BMPER: variants seen among roughly 807,000 people sequenced by gnomAD.
BMPER encodes BMP binding endothelial regulator, also known as BMP-binding endothelial regulator protein.
Under a neutral mutation model 87.3 loss-of-function variants are expected in BMPER, and 45 were observed. The ratio of observed to expected loss-of-function variants is 0.52; its 90% CI spans 0.41 to 0.66. The LOEUF is 0.66. BMPER is among the 30% of genes least tolerant of loss of function. The pLI is 0.00. For synonymous variants in BMPER, 326 were observed against 316.2 expected (o/e 1.03, Z -0.33); for missense variants, 784 against 867.5 (o/e 0.90, Z 1.21).
intron 11 of BMPER, among the ~76,000 whole-genome samples, chr7:34,075,904 G>GAGGTGCC (rs1203239475): frequency 1.3e-5 from 2 of 152,220 alleles, no homozygotes; most frequent in Non-Finnish European, 2.9e-5. Context: ...TAGGGACCTT[G>GAGGTGCC]AGGTGCCAGG....
chr7:34,121,962 T>TC (rs1198430496), intron 13 of BMPER, among the ~76,000 whole-genome samples: 6 of 150,364 alleles, frequency 4.0e-5, no homozygotes, highest in Non-Finnish European at 8.9e-5. Context: ...CTCTACAATT[T>TC]TTTTTTTTTA....
chr7:34,057,676 T>C (rs950051899), intron 9 of BMPER, among the ~76,000 whole-genome samples: 1 of 152,210 alleles, frequency 6.6e-6, no homozygotes, highest in African/African-American at 2.4e-5. Flanking sequence ...TTTAGTCTTA[T>C]CAAACGGGAA....
At chr7:34,030,756 C>T (rs1787499800) in intron 6 of BMPER, among the ~76,000 whole-genome samples, 1 of 151,896 alleles carries the variant, frequency 6.6e-6, no homozygotes, top group Admixed American at 6.6e-5. Context: ...CAGGCACTGC[C>T]ACCATGCTTG....
At chr7:34,106,933 T>A (rs755030308) in intron 13 of BMPER, among the ~76,000 whole-genome samples, 1 of 152,244 alleles carries the variant, frequency 6.6e-6, no homozygotes, top group Non-Finnish European at 1.5e-5. Flanking sequence ...AATTTCATGA[T>A]GTTTGTGCGG....
intron 14 of BMPER, among the ~76,000 whole-genome samples, chr7:34,146,921 G>A (rs1002599282): frequency 6.6e-6 from 1 of 152,160 alleles, no homozygotes; most frequent in Non-Finnish European, 1.5e-5. Context: ...ATCACTGGTG[G>A]TTGTTACTCG....
At position 34,086,065 on chromosome 7, in the gene BMPER, C is replaced by T. The variant is rs199601718; in HGVS notation, c.1718C>T (p.Ser573Leu). The T allele has an allele frequency of 2.6e-5, 42 of 1,613,700 alleles. No homozygotes were observed. The highest frequency in any genetic ancestry group is 3.2e-5 in the Non-Finnish European group (38 of 1,180,012). ...LKSWEFQTCHSTVDYATFYRS... is the reference protein window; with the variant it reads ...LKSWEFQTCHLTVDYATFYRS... ...TCCTGGGAGTTTCAGACCTGCCACT[C>T]GACTGTGGACTACGCCACTTTCTAC... is the stretch of plus-strand genomic sequence containing the variant. The change falls in exon 13 of 15, where the codon TCG (serine) becomes TTG (leucine). Residue 573 changes from serine (S) to leucine (L), a missense_variant. Coordinates refer to ENST00000649409, the MANE Select transcript of BMPER (RefSeq NM_001365308.1).
chr7:34,016,652 C>T (rs1787034465), intron 6 of BMPER, among the ~76,000 whole-genome samples: 2 of 151,992 alleles, frequency 1.3e-5, no homozygotes, highest in African/African-American at 2.4e-5. Context: ...CTTTTCATCA[C>T]CTCACCTGTA....
At chr7:33,921,793 T>G (rs1418918670) in intron 2 of BMPER, 15 of 470,510 alleles carry the variant, frequency 3.2e-5, no homozygotes, top group Admixed American at 9.4e-5. Context: ...GCCAACTAGA[T>G]GGAGCAATCT....
At chr7:34,062,692 C>T (rs191646625) in intron 11 of BMPER, among the ~76,000 whole-genome samples, 8 of 152,320 alleles carry the variant, frequency 5.3e-5, no homozygotes, top group African/African-American at 1.4e-4. Flanking sequence ...ACCTACTGCA[C>T]ACCTAGCCTA....
chr7:34,138,989 G>C (rs17753113), intron 13 of BMPER, among the ~76,000 whole-genome samples: 2,644 of 152,282 alleles, frequency 0.017, 37 homozygotes, highest in Middle Eastern at 0.027. Context: ...AAAGGACAAC[G>C]ATCTTCCATA....
chr7:34,073,298 G>A (rs1279942718), intron 11 of BMPER, among the ~76,000 whole-genome samples: 3 of 152,074 alleles, frequency 2.0e-5, no homozygotes, highest in African/African-American at 4.8e-5. Context: ...GCCATTATTC[G>A]AACATCATAG....
chr7:33,925,778 T>C (rs1784343476), intron 2 of BMPER, among the ~76,000 whole-genome samples: 1 of 152,160 alleles, frequency 6.6e-6, no homozygotes, highest in Non-Finnish European at 1.5e-5. Context: ...CACTGGAATG[T>C]CATCAAAGAA....
At position 34,099,730 on chromosome 7, in the gene BMPER, C is replaced by T. The variant is rs563936606; in HGVS notation, c.1745+13638C>T. 2.0e-5 allele frequency among the ~76,000 whole-genome samples: 3 copies of T among 152,252 alleles called. No individual in the cohort carries two copies. In the South Asian group the frequency reaches 6.2e-4, roughly 32 times the overall value. ...GGATTTTTAATTCCAATGTCATGTGCTTATAAACTATTTCTTTCCTTTTCA... is the reference window on the plus strand; with the variant it reads ...GGATTTTTAATTCCAATGTCATGTGTTTATAAACTATTTCTTTCCTTTTCA... On this transcript the variant is annotated intron_variant, in intron 13 of 14. Coordinates refer to ENST00000649409, the MANE Select transcript of BMPER (RefSeq NM_001365308.1).
intron 2 of BMPER, among the ~76,000 whole-genome samples, chr7:33,921,524 T>C (rs1406721024): frequency 1.3e-5 from 2 of 152,196 alleles, no homozygotes; most frequent in Non-Finnish European, 2.9e-5. Flanking sequence ...GTTGAGAGAA[T>C]ACCCCCCGGG....
chr7:34,121,075 C>T (rs1790253727), intron 13 of BMPER, among the ~76,000 whole-genome samples: 1 of 150,434 alleles, frequency 6.6e-6, no homozygotes, highest in South Asian at 2.1e-4. Context: ...TTAATGTATA[C>T]TTATAGATTA....
At chr7:34,068,911 T>G (rs979646602) in intron 11 of BMPER, among the ~76,000 whole-genome samples, 1 of 152,236 alleles carries the variant, frequency 6.6e-6, no homozygotes, top group East Asian at 1.9e-4. Context: ...AGGACTTGCA[T>G]ATTTTTAAAA....
At chr7:33,937,117 T>C (rs1784620997) in intron 2 of BMPER, among the ~76,000 whole-genome samples, 172 bp from the exon 3 acceptor site, 1 of 152,208 alleles carries the variant, frequency 6.6e-6, no homozygotes, top group Non-Finnish European at 1.5e-5. Context: ...CCTGTGTTCC[T>C]GGATGGGTAT....
At chr7:33,979,235 A>C (rs1362467961) in intron 6 of BMPER, among the ~76,000 whole-genome samples, 2 of 150,980 alleles carry the variant, frequency 1.3e-5, no homozygotes, top group African/African-American at 4.9e-5. Context: ...CAAACCTATT[A>C]CTCTGTTTTG....
intron 5 of BMPER, among the ~76,000 whole-genome samples, chr7:33,971,151 A>C (rs1010059751): frequency 3.3e-5 from 5 of 151,508 alleles, no homozygotes; most frequent in African/African-American, 1.2e-4. Flanking sequence ...CTTTTCCTCA[A>C]GAGTGGTGAT....
Sources: allele counts gnomAD v4.1 joint callset (sites outside exome capture counted in the v4.1 genomes callset), GRCh38; gene constraint gnomAD v4.1.1; transcripts MANE v1.5; gene names NCBI Gene and HGNC (gene_info 2026-07-23, HGNC 2026-07-21).